The following MITF variants were observed in gnomAD, a reference collection of about 807,000 sequenced individuals.
The protein encoded by MITF is melanocyte inducing transcription factor.
Under a neutral mutation model 60.5 loss-of-function variants are expected in MITF, and 17 were observed. That is an observed-to-expected ratio of 0.28 (90% confidence interval 0.19 to 0.42). The LOEUF (loss-of-function observed/expected upper bound fraction) is 0.42, where lower values mean the gene tolerates loss of function less well. MITF is among the 10% of genes least tolerant of loss of function. The probability of loss-of-function intolerance (pLI) is 1.00; values close to 1 mark genes in which losing one functional copy is unlikely to be tolerated. For synonymous variants in MITF, 260 were observed against 248.5 expected, an observed-to-expected ratio of 1.05 and a Z score of -0.43; for missense variants, 622 against 683.5, an observed-to-expected ratio of 0.91 and a Z score of 1.00.
At chr3:69,789,610 C>T (rs1194993650) in intron 1 of MITF, among the ~76,000 whole-genome samples, 3 of 152,234 alleles carry the variant, frequency 2.0e-5, no homozygotes, top group East Asian at 3.9e-4. Flanking sequence ...AATCCCAGCA[C>T]TTTGGGAGGC....
At chr3:69,810,135 C>T (rs2063077528) in intron 1 of MITF, among the ~76,000 whole-genome samples, 1 of 152,100 alleles carries the variant, frequency 6.6e-6, no homozygotes, top group Non-Finnish European at 1.5e-5. Context: ...TGTCCTGAGC[C>T]TCATACTGAC....
At chr3:69,745,355 G>C (rs1353433346) in intron 1 of MITF, among the ~76,000 whole-genome samples, 1 of 152,112 alleles carries the variant, frequency 6.6e-6, no homozygotes, top group Non-Finnish European at 1.5e-5. Flanking sequence ...CCCTCCCTGT[G>C]TGGTGAGGGA....
chr3:69,875,028 T>G (rs2064322223), intron 1 of MITF, among the ~76,000 whole-genome samples: 1 of 152,218 alleles, frequency 6.6e-6, no homozygotes. Context: ...CCAGCCACTG[T>G]GCTGAACACT....
chr3:69,865,407 G>T (rs906284104), intron 1 of MITF, among the ~76,000 whole-genome samples: 5 of 152,136 alleles, frequency 3.3e-5, no homozygotes, highest in Admixed American at 2.0e-4. Flanking sequence ...ACTCTGTAGG[G>T]CATCTTTGGT....
At chr3:69,951,093 C>CTT (rs527693480) in intron 6 of MITF, among the ~76,000 whole-genome samples, 414 of 108,820 alleles carry the variant, frequency 3.8e-3, no homozygotes, top group East Asian at 4.5e-3. Context: ...AATTTGGCAG[C>CTT]TTTTTTTTTT....
At chr3:69,956,562 A>G (rs112106862) in intron 8 of MITF, 32 bp downstream of exon 8, 25 of 1,556,326 alleles carry the variant, frequency 1.6e-5, no homozygotes, top group African/African-American at 1.5e-4. Flanking sequence ...TCTGCATCAT[A>G]TATTTTTCGT....
chr3:69,893,214 C>T (rs1488582310), intron 2 of MITF, among the ~76,000 whole-genome samples: 1 of 152,134 alleles, frequency 6.6e-6, no homozygotes, highest in East Asian at 1.9e-4. Flanking sequence ...TAAGATATCC[C>T]CTGAGGACTT....
chr3:69,951,230 G>A (rs1281029663), intron 6 of MITF, among the ~76,000 whole-genome samples: 1 of 151,052 alleles, frequency 6.6e-6, no homozygotes, highest in Non-Finnish European at 1.5e-5. Context: ...CCCGTAGCTG[G>A]GACTGCAAGC....
rs1314202582 is a variant in MITF at position 69,803,048 on chromosome 3, A to T, written c.104+63347A>T. ...CGCCTCAGCCTCCCAAAGTGCTGGG[A>T]TTACAGGGGTGAGCCACCGCTCCCA... is the stretch of plus-strand genomic sequence containing the variant. On this transcript the variant is annotated intron_variant, in intron 1 of 9. Coordinates refer to ENST00000352241, the MANE Select transcript of MITF (RefSeq NM_001354604.2). Among the ~76,000 whole-genome samples, 4 of 152,244 alleles carry T rather than the reference A, an allele frequency of 2.6e-5. No homozygotes were observed. In the East Asian group the frequency reaches 5.8e-4, roughly 22 times the overall value.
intron 2 of MITF, among the ~76,000 whole-genome samples, chr3:69,926,030 A>G (rs1426646971): frequency 6.6e-6 from 1 of 152,188 alleles, no homozygotes; most frequent in African/African-American, 2.4e-5. Flanking sequence ...TTCAGCACCT[A>G]GATGAGTGCT....
intron 1 of MITF, among the ~76,000 whole-genome samples, chr3:69,758,074 T>G (rs115233187): frequency 0.21 from 28,823 of 138,136 alleles, 3,656 homozygotes; most frequent in East Asian, 0.58. Context: ...CCACCACTCA[T>G]AAAGTATATA....
intron 2 of MITF, among the ~76,000 whole-genome samples, chr3:69,882,780 C>A (rs776728725): frequency 4.6e-5 from 7 of 152,138 alleles, no homozygotes; most frequent in Non-Finnish European, 8.8e-5. Flanking sequence ...AGTCACCAAG[C>A]ATCTGTTTTC....
chr3:69,960,825 A>T (rs1448247783), intron 9 of MITF, among the ~76,000 whole-genome samples: 1 of 152,184 alleles, frequency 6.6e-6, no homozygotes, highest in African/African-American at 2.4e-5. Flanking sequence ...AATGGTCTCC[A>T]GTCTTCTGAA....
At chr3:69,873,208 A>G (rs1481501988) in intron 1 of MITF, among the ~76,000 whole-genome samples, 2 of 152,118 alleles carry the variant, frequency 1.3e-5, no homozygotes, top group African/African-American at 4.8e-5. Context: ...ACTCCCAGCT[A>G]TTTTAAGTAC....
At chr3:69,839,300 T>C (rs921788764) in intron 1 of MITF, among the ~76,000 whole-genome samples, 1 of 151,964 alleles carries the variant, frequency 6.6e-6, no homozygotes, top group African/African-American at 2.4e-5. Flanking sequence ...GATGAAATGA[T>C]AAAAACACTG....
chr3:69,846,834 A>AT (rs1311091925), intron 1 of MITF, among the ~76,000 whole-genome samples: 1 of 151,202 alleles, frequency 6.6e-6, no homozygotes, highest in East Asian at 1.9e-4. Context: ...AAAAAAAAAA[A>AT]AAGGAATATA....
At chr3:69,915,691 A>G (rs1365982178) in intron 2 of MITF, among the ~76,000 whole-genome samples, 2 of 152,210 alleles carry the variant, frequency 1.3e-5, no homozygotes, top group African/African-American at 4.8e-5. Flanking sequence ...GTTGCTAGGC[A>G]GTAAGAAGAC....
At chr3:69,749,179 C>A (rs569694444) in intron 1 of MITF, among the ~76,000 whole-genome samples, 1 of 152,282 alleles carries the variant, frequency 6.6e-6, no homozygotes, top group East Asian at 1.9e-4. Context: ...TGAGATGTAG[C>A]CACACTGTAC....
At chr3:69,832,168 G>T (rs939986778) in intron 1 of MITF, among the ~76,000 whole-genome samples, 1 of 152,248 alleles carries the variant, frequency 6.6e-6, no homozygotes, top group East Asian at 1.9e-4. Context: ...TGCTGGGCTG[G>T]GCAGTTCTGT....
Sources: allele counts gnomAD v4.1 joint callset (sites outside exome capture counted in the v4.1 genomes callset), GRCh38; gene constraint gnomAD v4.1.1; transcripts MANE v1.5; gene names NCBI Gene and HGNC (gene_info 2026-07-23, HGNC 2026-07-21).